Variants in PRC1 observed in about 807,000 individuals in gnomAD.
PRC1 encodes anaphase spindle elongation 1 homolog.
In PRC1, 54 loss-of-function variants were observed where a neutral mutation model predicts 91.2. The ratio of observed to expected loss-of-function variants is 0.59; its 90% confidence interval spans 0.48 to 0.74. The LOEUF (loss-of-function observed/expected upper bound fraction) is 0.74. PRC1 is among the 30% of genes least tolerant of loss of function. PRC1 has a pLI of 0.00. For missense variants in PRC1, 727 were observed against 746.2 expected (o/e 0.97, Z 0.30); for synonymous variants, 275 against 263.6 (o/e 1.04, Z -0.42).
chr15:90,994,465 A>G lies in PRC1; in HGVS notation c.-48T>C, dbSNP rs1350193798. On this transcript the variant is annotated 5_prime_UTR_variant, in exon 1 of 15. Transcript: ENST00000394249. Reference sequence around the variant, plus strand: ...GAGTCCAGGTCCAGACCTACTCCACACGGCCCCGAGAGCAACAACCACCCG... The same window carrying G: ...GAGTCCAGGTCCAGACCTACTCCACGCGGCCCCGAGAGCAACAACCACCCG... 14 of 1,597,364 alleles carry G rather than the reference A, an allele frequency of 8.8e-6. No individual in the cohort carries two copies. Among genetic ancestry groups the G allele is most frequent in the Non-Finnish European group, 1.2e-5 (14 of 1,171,620 alleles).
chr15:90,989,424 T>G (rs2039820921), intron 1 of PRC1, among the ~76,000 whole-genome samples: 1 of 150,198 alleles, frequency 6.7e-6, no homozygotes, highest in African/African-American at 2.5e-5. Flanking sequence ...TTTTTTTTTT[T>G]TTTTTTTTTT....
intron 11 of PRC1, among the ~76,000 whole-genome samples, chr15:90,971,603 T>A (rs1046870031): frequency 2.3e-4 from 34 of 145,394 alleles, no homozygotes; most frequent in South Asian, 1.3e-3. Flanking sequence ...TTTTTTTTTT[T>A]AATTAAAAAA....
intron 1 of PRC1, 106 bp downstream of exon 1, chr15:90,994,301 A>G: frequency 6.4e-7 from 1 of 1,554,874 alleles, no homozygotes; most frequent in Non-Finnish European, 8.7e-7. Flanking sequence ...TGCCGTGACG[A>G]TCTAGGCCCG....
intron 1 of PRC1, among the ~76,000 whole-genome samples, chr15:90,991,796 C>T (rs2039997210): frequency 1.3e-5 from 2 of 152,160 alleles, no homozygotes; most frequent in Non-Finnish European, 2.9e-5. Flanking sequence ...GCAGGGGCCT[C>T]TTAACTGGTC....
At position 90,974,345 on chromosome 15, in the gene PRC1, C is replaced by A. The variant is rs1170019990; in HGVS notation, c.1351-99G>T. The A allele has an allele frequency of 1.7e-6, 2 of 1,177,220 alleles. No individual in the cohort carries two copies. Among genetic ancestry groups the A allele is most frequent in the Admixed American group, 1.9e-5 (1 of 52,960 alleles). The allele number at this position is 1,177,220 out of a possible 1,614,324, so 72.9% of individuals were successfully genotyped here. ...CCGGGAATCTAGGCCCGTGTCTCTA[C>A]AGCCAGAGCTAAAGAGCTGCCGCGG... On this transcript the variant is annotated intron_variant, in intron 10 of 14. Transcript: ENST00000394249. This position sits in a 1 kb window ranked among gnomAD's most constrained non-coding sequence, Gnocchi z 4.6.
chr15:90,981,941 A>C lies in PRC1; in HGVS notation c.308T>G (p.Leu103Trp). The C allele has an allele frequency of 6.2e-7, 1 of 1,614,178 alleles. No individual in the cohort carries two copies. The highest frequency in any genetic ancestry group is 8.5e-7 in the Non-Finnish European group (1 of 1,180,036). Residue 103 changes from leucine to tryptophan, a missense_variant, in exon 4 of 15, where the codon TTG becomes TGG. Leu to Trp is a moderately conservative substitution (Grantham distance 61). Transcript: ENST00000394249. ...ETTILQLEKD[L>W]RTQVELMRKQ... Reference sequence around the variant, plus strand: ...TCGCATCAATTCCACTTGGGTGCGCAAATCTTTTTCTAGTTGCAAGATGGT... The same window carrying C: ...TCGCATCAATTCCACTTGGGTGCGCCAATCTTTTTCTAGTTGCAAGATGGT...
intron 9 of PRC1, 39 bp downstream of exon 9, chr15:90,976,637 T>C: frequency 6.1e-6 from 9 of 1,480,984 alleles, no homozygotes; most frequent in Non-Finnish European, 8.4e-6. Context: ...TGAGGTATCT[T>C]TGTAACCAAG....
Position 90,980,406 on chromosome 15 carries a change from T to C in PRC1, c.823-17A>G. On this transcript the variant is annotated splice_polypyrimidine_tract_variant and intron_variant, in intron 6 of 14. Coordinates refer to ENST00000394249, the MANE Select transcript of PRC1 (RefSeq NM_003981.4). ...TAATTGCAGCTGAAAGAAAGAAACT[T>C]GTTAAGGGTGGCTGCCATAGTTTTA... 6.2e-7 allele frequency: 1 copy of C among 1,610,570 alleles called. No individual in the cohort carries two copies. Among genetic ancestry groups the C allele is most frequent in the Non-Finnish European group, 8.5e-7 (1 of 1,178,870 alleles).
chr15:90,994,461 C>T lies in PRC1; in HGVS notation c.-44G>A. The T allele has an allele frequency of 6.2e-7, 1 of 1,601,632 alleles. No individual in the cohort carries two copies. The highest frequency in any genetic ancestry group is 8.5e-7 in the Non-Finnish European group (1 of 1,173,842). On this transcript the variant is annotated 5_prime_UTR_variant, in exon 1 of 15. Coordinates refer to ENST00000394249, the MANE Select transcript of PRC1 (RefSeq NM_003981.4). ...CCGTGAGTCCAGGTCCAGACCTACTCCACACGGCCCCGAGAGCAACAACCA... is the reference window on the plus strand; with the variant it reads ...CCGTGAGTCCAGGTCCAGACCTACTTCACACGGCCCCGAGAGCAACAACCA...
Position 90,980,336 on chromosome 15 carries a change from T to C in PRC1, c.876A>G (p.Lys292=), listed in dbSNP as rs1238565594. 10 of 1,614,140 alleles carry C rather than the reference T, an allele frequency of 6.2e-6. No homozygotes were observed. Among genetic ancestry groups the C allele is most frequent in the Non-Finnish European group, 8.5e-6 (10 of 1,180,026 alleles). The part of the protein sequence containing the change: ...LEELKMQNMK[K]VIEAIRVELV... Reference sequence around the variant, plus strand: ...GCTCCACTCGAATTGCCTCAATCACTTTCTTCATGTTTTGCATTTTCAGTT... The same window carrying C: ...GCTCCACTCGAATTGCCTCAATCACCTTCTTCATGTTTTGCATTTTCAGTT... Residue 292 remains lysine (K), a synonymous_variant, in exon 7 of 15, where the codon AAA becomes AAG. Transcript: ENST00000394249.
chr15:90,974,686 G>A lies in PRC1; in HGVS notation c.1249C>T (p.His417Tyr), dbSNP rs1200546477. 4 of 1,614,146 alleles carry A rather than the reference G, an allele frequency of 2.5e-6. No homozygotes were observed. The highest frequency in any genetic ancestry group is 2.2e-5 in the East Asian group (1 of 44,890). Reference sequence around the variant, plus strand: ...CCATTCACCATAAATGCCTTTGAATGTTCCTGTTCCCACAATTCAATTCGT... The same window carrying A: ...CCATTCACCATAAATGCCTTTGAATATTCCTGTTCCCACAATTCAATTCGT... ...KARIELWEQE[H>Y]SKAFMVNGQK... The change falls in exon 10 of 15, where the codon CAT becomes TAT. Residue 417 changes from histidine to tyrosine, a missense_variant. Coordinates refer to ENST00000394249, the MANE Select transcript of PRC1 (RefSeq NM_003981.4). This position sits in a 1 kb window ranked among gnomAD's most constrained non-coding sequence, Gnocchi z 4.6.
At chr15:90,977,780 G>T (rs2038860762) in intron 8 of PRC1, among the ~76,000 whole-genome samples, 1 of 151,778 alleles carries the variant, frequency 6.6e-6, no homozygotes. Flanking sequence ...TAGAGACGGG[G>T]TTTCACTGTG....
chr15:90,979,575 A>G (rs76510404), intron 7 of PRC1, among the ~76,000 whole-genome samples: 1 of 152,282 alleles, frequency 6.6e-6, no homozygotes, highest in African/African-American at 2.4e-5. Flanking sequence ...TTTCTTTCAT[A>G]TTCTGCTTTT....
intron 14 of PRC1, chr15:90,968,204 G>A (rs1596268368): frequency 5.1e-6 from 5 of 985,416 alleles, no homozygotes; most frequent in Middle Eastern, 5.2e-4. Context: ...GCGAAAAAGA[G>A]AAAGCTGGAC....
In PRC1 at chr15:90,969,448, G is replaced by A. The variant is rs373811756; in HGVS notation, c.1748C>T (p.Ala583Val). The A allele has an allele frequency of 2.3e-5, 36 of 1,591,588 alleles. No homozygotes were observed. The highest frequency in any genetic ancestry group is 2.7e-5 in the Non-Finnish European group (31 of 1,166,742). The change falls in exon 13 of 15, where the codon GCG (alanine) becomes GTG (valine). Residue 583 changes from alanine (A) to valine (V), a missense_variant and splice_region_variant. By Grantham distance (64) the Ala-to-Val change is moderately conservative. Coordinates refer to ENST00000394249, the MANE Select transcript of PRC1 (RefSeq NM_003981.4). ...NSVASTYSEF[A>V]KDPSLSDSST... ...TAGATATTAGAAAAGGTGAATTACC[G>A]CAAACTCAGAATAGGTGCTGGCAAC...
In PRC1 at chr15:90,971,658, T is replaced by C. The variant is rs890477147; in HGVS notation, c.1462-1144A>G. Among the ~76,000 whole-genome samples the C allele has an allele frequency of 3.3e-5, 5 of 151,358 alleles. No homozygotes were observed. In the South Asian group the frequency reaches 6.3e-4, roughly 19 times the overall value. ...GGTGGCTCATCTGAGGTCGGGAGTA[T>C]GAGACCAGCCTGACCAACATGGAGA... On this transcript the variant is annotated intron_variant, in intron 11 of 14. Coordinates refer to ENST00000394249, the MANE Select transcript of PRC1 (RefSeq NM_003981.4).
intron 1 of PRC1, among the ~76,000 whole-genome samples, chr15:90,986,369 C>T (rs1201350474): frequency 6.6e-6 from 1 of 152,226 alleles, no homozygotes; most frequent in Non-Finnish European, 1.5e-5. Context: ...TGGCTCACAC[C>T]TGTAATTCCA....
intron 5 of PRC1, 133 bp from the exon 6 acceptor site, chr15:90,981,166 TGCCTCCTAAACACGA>T: frequency 8.2e-7 from 1 of 1,214,790 alleles, no homozygotes; most frequent in Non-Finnish European, 1.1e-6. Context: ...CATGTTTTCA[TGCCTCCTAAACACGA>T]GCTGTAAGGC....
At chr15:90,977,507 ATTCAT>A (rs1329167945) in intron 8 of PRC1, among the ~76,000 whole-genome samples, 1 of 150,904 alleles carries the variant, frequency 6.6e-6, no homozygotes, top group Non-Finnish European at 1.5e-5. Flanking sequence ...ATGGTAGGTA[ATTCAT>A]TTCTTGTTTT....
Sources: allele counts gnomAD v4.1 joint callset (sites outside exome capture counted in the v4.1 genomes callset), GRCh38; gene constraint gnomAD v4.1.1; non-coding constraint Gnocchi (gnomAD v3.1); transcripts MANE v1.5; gene names NCBI Gene and HGNC (gene_info 2026-07-23, HGNC 2026-07-21).